Variants in ARHGAP29 observed in about 807,000 individuals in gnomAD.
ARHGAP29 encodes rho GTPase-activating protein 29.
Under a neutral mutation model 122.6 loss-of-function variants are expected in ARHGAP29, and 43 were observed. The observed-to-expected ratio is 0.35, with a 90% CI of 0.27 to 0.45. The LOEUF (loss-of-function observed/expected upper bound fraction) is 0.45. ARHGAP29 is among the 20% of genes least tolerant of loss of function. The pLI is 1.00. For synonymous variants in ARHGAP29, 506 were observed against 497.1 expected (o/e 1.02, Z -0.24); for missense variants, 1,303 against 1,477.2 (o/e 0.88, Z 1.93).
At chr1:94,234,448 C>A (rs1261078397) in intron 1 of ARHGAP29, among the ~76,000 whole-genome samples, 1 of 152,162 alleles carries the variant, frequency 6.6e-6, no homozygotes, top group Non-Finnish European at 1.5e-5. Flanking sequence ...TTACATAAAA[C>A]TGAAATCAAA....
chr1:94,168,908 A>T lies in ARHGAP29; in HGVS notation c.*4961T>A, dbSNP rs1648540789. On this transcript the variant is annotated 3_prime_UTR_variant, in exon 23 of 23. Transcript: ENST00000260526. ...AATAAAACTTGTAACTCAGAAGCAT[A>T]GCCAATTAGTCGTTTAATCTATTTT... Among the ~76,000 whole-genome samples, 1 of 152,242 alleles carries T rather than the reference A, an allele frequency of 6.6e-6. No homozygotes were observed. The highest frequency in any genetic ancestry group is 2.4e-5 in the African/African-American group (1 of 41,470).
At chr1:94,237,774 T>A, upstream of ARHGAP29, 1 of 985,380 alleles carries the variant, frequency 1.0e-6, no homozygotes, top group Non-Finnish European at 1.2e-6. Flanking sequence ...TGTCCCAGCA[T>A]CACGGGCTGC....
chr1:94,221,005 C>T (rs1320519579), intron 2 of ARHGAP29, among the ~76,000 whole-genome samples: 1 of 152,138 alleles, frequency 6.6e-6, no homozygotes, highest in Non-Finnish European at 1.5e-5. Flanking sequence ...CAGAGCAGTG[C>T]TGCTCTCTTA....
chr1:94,245,411 G>A (rs1225000922), intron 1 of ARHGAP29, among the ~76,000 whole-genome samples: 1 of 152,016 alleles, frequency 6.6e-6, no homozygotes, highest in Admixed American at 6.6e-5. Flanking sequence ...CCATGACATA[G>A]GAAAAAATCA....
Position 94,237,569 on chromosome 1 carries a change from A to AGGC in ARHGAP29, c.-190_-188dup, listed in dbSNP as rs1331153968. On this transcript the variant is annotated 5_prime_UTR_variant, in exon 1 of 23. Coordinates refer to ENST00000260526, the MANE Select transcript of ARHGAP29 (RefSeq NM_004815.4). Reference sequence around the variant, plus strand: ...CAGCCGCAGCCGCAGCCACAGCCACAGGCACCACCACCACTGCAGCCGCCA... The same window carrying AGGC: ...CAGCCGCAGCCGCAGCCACAGCCACAGGCGGCACCACCACCACTGCAGCCGCCA... The AGGC allele has an allele frequency of 1.0e-6, 1 of 991,448 alleles. No individual in the cohort carries two copies. The highest frequency in any genetic ancestry group is 1.7e-5 in the African/African-American group (1 of 57,172). 61.4% of individuals were successfully genotyped at this position (991,448 alleles called of 1,614,324 possible).
chr1:94,176,561 A>G (rs1649104955), intron 22 of ARHGAP29: 1 of 152,202 alleles, frequency 6.6e-6, no homozygotes, highest in African/African-American at 2.4e-5. Flanking sequence ...ACAAATAAGC[A>G]CAGTGCTTAG....
Position 94,177,860 on chromosome 1 carries a change from A to C in ARHGAP29, c.2788T>G (p.Ser930Ala), listed in dbSNP as rs1239758814. 6.2e-7 allele frequency: 1 copy of C among 1,606,236 alleles called. No homozygotes were observed. Among genetic ancestry groups the C allele is most frequent in the South Asian group, 1.1e-5 (1 of 89,104 alleles). The change falls in exon 21 of 23, where the codon TCA becomes GCA. Residue 930 changes from serine (S) to alanine (A), a missense_variant. Transcript: ENST00000260526. ...ATAAAGGTCAAACTCACTTCCTTTG[A>C]AGAAAAAAATAGTGACTTCATGGAA... ...ERSMKSLFFS[S>A]KEDIHTSESE...
intron 1 of ARHGAP29, among the ~76,000 whole-genome samples, chr1:94,261,485 A>T (rs919262151): frequency 2.0e-5 from 3 of 152,168 alleles, no homozygotes. Flanking sequence ...GAGTCTTGAA[A>T]TGATCCTATG....
At chr1:94,279,564 A>G (rs1281477567), upstream of ARHGAP29, among the ~76,000 whole-genome samples, 1 of 152,260 alleles carries the variant, frequency 6.6e-6, no homozygotes, top group African/African-American at 2.4e-5. Context: ...AGCTCCATGA[A>G]GAAGTGACTG....
At chr1:94,262,063 C>T (rs184621338) in intron 1 of ARHGAP29, among the ~76,000 whole-genome samples, 136 of 152,174 alleles carry the variant, frequency 8.9e-4, no homozygotes, top group African/African-American at 3.2e-3. Context: ...GACACATAGA[C>T]CAATGGAACA....
At chr1:94,254,067 G>A (rs972576246) in intron 1 of ARHGAP29, among the ~76,000 whole-genome samples, 1 of 152,166 alleles carries the variant, frequency 6.6e-6, no homozygotes, top group Non-Finnish European at 1.5e-5. Flanking sequence ...CTCAATAGCT[G>A]ACAATGTGTG....
At chr1:94,235,534 A>G (rs772956423) in intron 1 of ARHGAP29, among the ~76,000 whole-genome samples, 4 of 152,196 alleles carry the variant, frequency 2.6e-5, no homozygotes, top group African/African-American at 7.2e-5. Flanking sequence ...ACTACAATAC[A>G]TAAGTGGATT....
chr1:94,282,073 T>TA, the ARHGAP29 span, among the ~76,000 whole-genome samples: 9 of 152,142 alleles, frequency 5.9e-5, no homozygotes, highest in South Asian at 1.0e-3. Flanking sequence ...AGAATCACCA[T>TA]AAAAAATCTA....
chr1:94,229,304 T>C lies in ARHGAP29; in HGVS notation c.205+2103A>G, dbSNP rs1431971986. On this transcript the variant is annotated intron_variant, in intron 2 of 22. Coordinates refer to ENST00000260526, the MANE Select transcript of ARHGAP29 (RefSeq NM_004815.4). ...TACCTTTCCTAAAGATTACATCTCA[T>C]GAGATCTTTGTAATACTTTTATTAA... Among the ~76,000 whole-genome samples the C allele has an allele frequency of 2.0e-5, 3 of 151,846 alleles. No individual in the cohort carries two copies. The East Asian group carries it at 5.8e-4, about 29-fold the overall frequency.
intron 16 of ARHGAP29, among the ~76,000 whole-genome samples, chr1:94,185,949 T>C (rs1233625279): frequency 6.6e-6 from 1 of 152,210 alleles, no homozygotes; most frequent in Non-Finnish European, 1.5e-5. Flanking sequence ...TACATATTAA[T>C]ATTATACTGG....
At chr1:94,250,162 G>A (rs1654025502) in intron 1 of ARHGAP29, among the ~76,000 whole-genome samples, 1 of 152,200 alleles carries the variant, frequency 6.6e-6, no homozygotes, top group Non-Finnish European at 1.5e-5. Context: ...CATGTGGGTG[G>A]TGGAGGTGGG....
At chr1:94,248,253 A>G (rs1653911674) in intron 1 of ARHGAP29, 1 of 152,260 alleles carries the variant, frequency 6.6e-6, no homozygotes, top group Non-Finnish European at 1.5e-5. Flanking sequence ...TCCCCGACAC[A>G]TGGCAGGTGC....
At chr1:94,206,926 G>A (rs1406777897) in intron 5 of ARHGAP29, among the ~76,000 whole-genome samples, 4 of 149,128 alleles carry the variant, frequency 2.7e-5, no homozygotes, top group African/African-American at 9.8e-5. Context: ...TATTATATAT[G>A]TATAATATAT....
At chr1:94,213,924 C>A (rs1651806170) in intron 3 of ARHGAP29, among the ~76,000 whole-genome samples, 1 of 152,138 alleles carries the variant, frequency 6.6e-6, no homozygotes, top group Admixed American at 6.5e-5. Flanking sequence ...AATTAGATGT[C>A]TTTTTTCTTC....
Sources: allele counts gnomAD v4.1 joint callset (sites outside exome capture counted in the v4.1 genomes callset), GRCh38; gene constraint gnomAD v4.1.1; transcripts MANE v1.5; gene names NCBI Gene and HGNC (gene_info 2026-07-23, HGNC 2026-07-21).